DPYD: variants seen among roughly 807,000 people sequenced by gnomAD.
DPYD encodes the protein dihydropyrimidine dehydrogenase [NADP(+)].
A neutral mutation model predicts 116.2 loss-of-function variants in DPYD; 109 were observed. The observed-to-expected ratio is 0.94, with a 90% confidence interval of 0.80 to 1.10. The LOEUF is 1.10. DPYD is among the 50% of genes least tolerant of loss of function. DPYD has a pLI of 0.00. For missense variants in DPYD, 1,302 were observed against 1,254.5 expected (o/e 1.04, Z -0.57); for synonymous variants, 440 against 432.0 (o/e 1.02, Z -0.23).
At chr1:97,587,811 A>G (rs534428361) in intron 10 of DPYD, among the ~76,000 whole-genome samples, 9 of 149,304 alleles carry the variant, frequency 6.0e-5, no homozygotes, top group South Asian at 2.2e-4. Flanking sequence ...GTGACAGAGC[A>G]AGACTCCATC....
chr1:97,740,323 T>G, intron 4 of DPYD, 69 bp downstream of exon 4: 1 of 1,306,612 alleles, frequency 7.7e-7, no homozygotes, highest in Non-Finnish European at 1.1e-6. Context: ...CTGTATTCTG[T>G]ACCCACAGAT....
chr1:97,760,205 T>C (rs947106432), intron 3 of DPYD, among the ~76,000 whole-genome samples: 1 of 152,172 alleles, frequency 6.6e-6, no homozygotes, highest in Admixed American at 6.5e-5. Flanking sequence ...CTAGTCTGTA[T>C]TGGAACTCAG....
At chr1:97,151,016 C>T (rs954597971) in intron 20 of DPYD, among the ~76,000 whole-genome samples, 1 of 152,128 alleles carries the variant, frequency 6.6e-6, no homozygotes, top group Non-Finnish European at 1.5e-5. Context: ...ATAAACTATG[C>T]TTGGATTATG....
intron 18 of DPYD, among the ~76,000 whole-genome samples, chr1:97,254,429 CT>C (rs1266174230): frequency 6.6e-6 from 1 of 151,988 alleles, no homozygotes; most frequent in Non-Finnish European, 1.5e-5. Context: ...TTTGCTGACA[CT>C]TTTTTAGATT....
chr1:97,139,296 G>A (rs899446970), intron 20 of DPYD, among the ~76,000 whole-genome samples: 4 of 151,996 alleles, frequency 2.6e-5, no homozygotes, highest in African/African-American at 7.2e-5. Flanking sequence ...ATTGGATCAC[G>A]CCAGTGGGAT....
intron 14 of DPYD, among the ~76,000 whole-genome samples, chr1:97,399,891 CA>C (rs1673267094): frequency 6.6e-6 from 1 of 152,170 alleles, no homozygotes; most frequent in African/African-American, 2.4e-5. Flanking sequence ...ATGTCATCTG[CA>C]AACAAGGACA....
intron 19 of DPYD, among the ~76,000 whole-genome samples, chr1:97,223,672 T>A (rs988093800): frequency 3.9e-5 from 6 of 152,088 alleles, no homozygotes; most frequent in Admixed American, 2.6e-4. Context: ...ACTGACTCAG[T>A]CTGAGCTTTG....
chr1:97,697,164 TACTGA>T, intron 6 of DPYD, among the ~76,000 whole-genome samples: 1 of 152,266 alleles, frequency 6.6e-6, no homozygotes, highest in South Asian at 2.1e-4. Context: ...AAAGCAAAAC[TACTGA>T]TTATTTTATA....
intron 19 of DPYD, among the ~76,000 whole-genome samples, chr1:97,234,011 C>A (rs1460069003): frequency 6.6e-6 from 1 of 152,098 alleles, no homozygotes; most frequent in Non-Finnish European, 1.5e-5. Context: ...TACACTCTAC[C>A]CTTTTGCCAG....
chr1:97,302,740 T>C (rs1558012570), intron 18 of DPYD, among the ~76,000 whole-genome samples: 1 of 152,034 alleles, frequency 6.6e-6, no homozygotes, highest in Non-Finnish European at 1.5e-5. Flanking sequence ...ATTATGTGTA[T>C]AACTGAAAAA....
At chr1:97,761,527 G>A (rs142576330) in intron 3 of DPYD, among the ~76,000 whole-genome samples, 1 of 152,078 alleles carries the variant, frequency 6.6e-6, no homozygotes, top group Non-Finnish European at 1.5e-5. Flanking sequence ...AAAAGTAACA[G>A]ATGCTGGCAA....
At position 97,095,651 on chromosome 1, in the gene DPYD, T is replaced by C. The variant is rs113612497; in HGVS notation, c.2766+2838A>G. ...ATGTATATGTATATATATACATATA[T>C]ACACACACACAGTTTTATAGTATAA... is the stretch of plus-strand genomic sequence containing the variant. On this transcript the variant is annotated intron_variant, in intron 21 of 22. Transcript: ENST00000370192. Among the ~76,000 whole-genome samples, 111 of 151,834 alleles carry C rather than the reference T, an allele frequency of 7.3e-4. 1 individual carries two copies. Among genetic ancestry groups the C allele is most frequent in the African/African-American group, 2.4e-3 (98 of 41,466 alleles).
At chr1:97,594,684 G>A (rs1313571794) in intron 9 of DPYD, among the ~76,000 whole-genome samples, 1 of 152,194 alleles carries the variant, frequency 6.6e-6, no homozygotes, top group East Asian at 1.9e-4. Context: ...CTGTTTAAGA[G>A]AAGACAGTCA....
chr1:97,226,119 G>A (rs1661137350), intron 19 of DPYD, among the ~76,000 whole-genome samples: 2 of 152,018 alleles, frequency 1.3e-5, no homozygotes, highest in African/African-American at 2.4e-5. Flanking sequence ...AACACATTAA[G>A]AGAATGAATC....
rs574094842 is a variant in DPYD, at chr1:97,289,330, C to G, written c.2299+15929G>C. 1.8e-4 allele frequency among the ~76,000 whole-genome samples: 28 copies of G among 152,316 alleles called. No homozygotes were observed. The East Asian group carries it at 5.2e-3, about 28-fold the overall frequency. On this transcript the variant is annotated intron_variant, in intron 18 of 22. Coordinates refer to ENST00000370192, the MANE Select transcript of DPYD (RefSeq NM_000110.4). ...GAAAAAGAGGGAATCCTCCCTAACT[C>G]ATGTTATGAGGCCAGCATCATCCTG...
intron 3 of DPYD, 29 bp downstream of exon 3, chr1:97,828,085 T>TG (rs779290088): frequency 2.6e-5 from 42 of 1,600,324 alleles, no homozygotes; most frequent in Middle Eastern, 1.7e-4. Context: ...ACCACATCTG[T>TG]GACTGTTGCT....
chr1:97,569,186 C>G (rs1467745452), intron 11 of DPYD, among the ~76,000 whole-genome samples: 1 of 151,778 alleles, frequency 6.6e-6, no homozygotes, highest in Non-Finnish European at 1.5e-5. Flanking sequence ...AGAATTCTTA[C>G]TAATGCAAAA....
intron 19 of DPYD, among the ~76,000 whole-genome samples, chr1:97,223,418 CAA>C (rs1426415814): frequency 1.3e-5 from 2 of 150,942 alleles, no homozygotes; most frequent in African/African-American, 4.9e-5. Context: ...CACACACACA[CAA>C]ACACACACAC....
chr1:97,594,724 A>G lies in DPYD; in HGVS notation c.958+335T>C, dbSNP rs3790385. ...TTCTGCCTGTGTAGATACAAATCATATAAGATATGTGACGATTCATGCCAT... is the reference window on the plus strand; with the variant it reads ...TTCTGCCTGTGTAGATACAAATCATGTAAGATATGTGACGATTCATGCCAT... On this transcript the variant is annotated intron_variant, in intron 9 of 22. Transcript: ENST00000370192. Among the ~76,000 whole-genome samples the G allele has an allele frequency of 4.0e-5, 6 of 151,846 alleles. No homozygotes were observed. In the East Asian group the frequency reaches 9.7e-4, roughly 25 times the overall value.
Sources: allele counts gnomAD v4.1 joint callset (sites outside exome capture counted in the v4.1 genomes callset), GRCh38; gene constraint gnomAD v4.1.1; transcripts MANE v1.5; gene names NCBI Gene and HGNC (gene_info 2026-07-23, HGNC 2026-07-21).